Variants in ZNF365 observed in about 807,000 individuals in gnomAD.
The protein encoded by ZNF365 is zinc finger protein 365.
ZNF365 carries 22 observed loss-of-function variants against 35.0 expected under a neutral mutation model. The observed-to-expected ratio is 0.63, with a 90% CI of 0.45 to 0.90. The LOEUF (loss-of-function observed/expected upper bound fraction) is 0.90. Ranked by LOEUF, ZNF365 falls within the 40% of genes least tolerant of loss-of-function variation. ZNF365 has a pLI of 0.00. For synonymous variants in ZNF365, 188 were observed against 196.2 expected (o/e 0.96, Z 0.35); for missense variants, 448 against 500.3 (o/e 0.90, Z 1.00).
intron 3 of ZNF365, among the ~76,000 whole-genome samples, chr10:62,410,280 G>C (rs1204262513): frequency 1.3e-5 from 2 of 152,078 alleles, no homozygotes; most frequent in East Asian, 3.8e-4. Context: ...CAGGGCTAAG[G>C]GATAGCTACT....
intron 1 of ZNF365, among the ~76,000 whole-genome samples, chr10:62,375,002 A>G (rs964682785): frequency 6.6e-6 from 1 of 152,200 alleles, no homozygotes; most frequent in Non-Finnish European, 1.5e-5. Flanking sequence ...GGCTTCACCT[A>G]GAAGCCTTGC....
At chr10:62,412,601 T>C (rs531870745) in intron 3 of ZNF365, among the ~76,000 whole-genome samples, 2 of 152,082 alleles carry the variant, frequency 1.3e-5, no homozygotes, top group South Asian at 4.1e-4. Flanking sequence ...ACAAAATCAA[T>C]GTGCAAAAAT....
At chr10:62,454,372 C>T (rs1423414540) in intron 3 of ZNF365, among the ~76,000 whole-genome samples, 3 of 152,210 alleles carry the variant, frequency 2.0e-5, no homozygotes, top group Non-Finnish European at 4.4e-5. Flanking sequence ...GAATTCACAG[C>T]AACACCCATC....
chr10:62,374,989 G>C (rs1033260633), intron 1 of ZNF365, among the ~76,000 whole-genome samples: 1 of 152,152 alleles, frequency 6.6e-6, no homozygotes, highest in Non-Finnish European at 1.5e-5. Context: ...TCTGGGGGCC[G>C]GGGGCTTCAC....
At chr10:62,378,678 C>T (rs1839377136) in intron 2 of ZNF365, among the ~76,000 whole-genome samples, 1 of 152,220 alleles carries the variant, frequency 6.6e-6, no homozygotes, top group Non-Finnish European at 1.5e-5. Context: ...AAATGTCCTT[C>T]CAGACCTTTC....
chr10:62,428,571 T>TA (rs1840285007), intron 3 of ZNF365, among the ~76,000 whole-genome samples: 5 of 152,176 alleles, frequency 3.3e-5, no homozygotes, highest in Non-Finnish European at 7.3e-5. Context: ...GTGAGTCAAT[T>TA]AAACCTCTTT....
chr10:62,413,434 G>A (rs916928681), intron 3 of ZNF365, among the ~76,000 whole-genome samples: 3 of 152,214 alleles, frequency 2.0e-5, no homozygotes, highest in Middle Eastern at 3.4e-3. Flanking sequence ...ATGCATTAAC[G>A]TCTTCTGCAA....
At chr10:62,385,622 A>G (rs1479150086) in intron 2 of ZNF365, among the ~76,000 whole-genome samples, 1 of 152,154 alleles carries the variant, frequency 6.6e-6, no homozygotes, top group East Asian at 1.9e-4. Flanking sequence ...AATATACTGG[A>G]TATTGACAGT....
intron 3 of ZNF365, among the ~76,000 whole-genome samples, chr10:62,443,759 A>T (rs1277838844): frequency 2.0e-5 from 3 of 152,292 alleles, no homozygotes; most frequent in Middle Eastern, 3.4e-3. Flanking sequence ...TTGTCCTTTT[A>T]GTTGGTAAAT....
intron 3 of ZNF365, among the ~76,000 whole-genome samples, chr10:62,442,198 C>A (rs1840512649): frequency 6.6e-6 from 1 of 152,178 alleles, no homozygotes; most frequent in Non-Finnish European, 1.5e-5. Flanking sequence ...CAAGGAACAG[C>A]AACTCAAAGC....
At chr10:62,451,662 GC>G (rs1439286667) in intron 3 of ZNF365, among the ~76,000 whole-genome samples, 1 of 152,184 alleles carries the variant, frequency 6.6e-6, no homozygotes, top group Admixed American at 6.6e-5. Context: ...CCATGCAGGG[GC>G]TTGGCTACAG....
At chr10:62,391,534 C>T (rs1164419310) in intron 3 of ZNF365, among the ~76,000 whole-genome samples, 2 of 152,220 alleles carry the variant, frequency 1.3e-5, no homozygotes, top group Admixed American at 6.5e-5. Flanking sequence ...CTTAGAATAA[C>T]GGTCTCCAGT....
intron 4 of ZNF365, among the ~76,000 whole-genome samples, chr10:62,473,479 G>A (rs966348933): frequency 1.3e-5 from 2 of 152,082 alleles, no homozygotes; most frequent in African/African-American, 2.4e-5. Context: ...CTGGTTATGA[G>A]TTTCGATTTG....
At chr10:62,439,225 G>C (rs1157923669) in intron 3 of ZNF365, among the ~76,000 whole-genome samples, 7 of 151,130 alleles carry the variant, frequency 4.6e-5, no homozygotes, top group Non-Finnish European at 1.5e-5. Context: ...ACTAATAATG[G>C]GTCTATTCTT....
At chr10:62,419,360 C>A (rs10821999) in intron 3 of ZNF365, among the ~76,000 whole-genome samples, 1 of 151,738 alleles carries the variant, frequency 6.6e-6, no homozygotes, top group Non-Finnish European at 1.5e-5. Flanking sequence ...AAAAGGAAGA[C>A]GGAGGCTGAG....
At chr10:62,468,335 T>C (rs1840978261) in intron 4 of ZNF365, among the ~76,000 whole-genome samples, 1 of 152,184 alleles carries the variant, frequency 6.6e-6, no homozygotes, top group Non-Finnish European at 1.5e-5. Context: ...TGAAGGGACA[T>C]CAAAATGTTC....
At chr10:62,417,459 A>T (rs1382753184) in intron 3 of ZNF365, among the ~76,000 whole-genome samples, 1 of 152,070 alleles carries the variant, frequency 6.6e-6, no homozygotes, top group Non-Finnish European at 1.5e-5. Flanking sequence ...TCATTCCTGC[A>T]GGCTTTACCT....
chr10:62,399,938 A>G lies in ZNF365; in HGVS notation c.*149A>G. The G allele has an allele frequency of 7.3e-7, 1 of 1,374,364 alleles. No individual in the cohort carries two copies. The highest frequency in any genetic ancestry group is 3.0e-5 in the Admixed American group (1 of 33,406). The allele number at this position is 1,374,364 out of a possible 1,614,324, so 85.1% of individuals were successfully genotyped here. On this transcript the variant is annotated 3_prime_UTR_variant, in exon 5 of 5. Coordinates refer to ENST00000395254, the MANE Select transcript of ZNF365 (RefSeq NM_014951.3). ...ACAGGCAAGCACCTCAATTAACCAG[A>G]GCTTAGCAAATGGGAATCTTAGTGA...
chr10:62,426,377 T>C (rs1008527746), intron 3 of ZNF365, among the ~76,000 whole-genome samples: 5 of 152,240 alleles, frequency 3.3e-5, no homozygotes, highest in Middle Eastern at 3.4e-3. Context: ...AGGTTTTCCA[T>C]GATCCAGTCA....
Sources: allele counts gnomAD v4.1 joint callset (sites outside exome capture counted in the v4.1 genomes callset), GRCh38; gene constraint gnomAD v4.1.1; transcripts MANE v1.5; gene names NCBI Gene and HGNC (gene_info 2026-07-23, HGNC 2026-07-21).